Variants in NUS1 observed in about 807,000 individuals in gnomAD.
NUS1 encodes dehydrodolichyl diphosphate synthase complex subunit NUS1.
For missense variants in NUS1, 292 were observed against 382.9 expected, an observed-to-expected ratio of 0.76 and a Z score of 1.98; for synonymous variants, 135 against 155.2, an observed-to-expected ratio of 0.87 and a Z score of 0.97.
chr6:117,706,590 C>A (rs1415547256), intron 4 of NUS1, among the ~76,000 whole-genome samples: 4 of 152,150 alleles, frequency 2.6e-5, no homozygotes, highest in Non-Finnish European at 5.9e-5. Flanking sequence ...GCTGAACAAT[C>A]TTAGTAGAAT....
intron 1 of NUS1, among the ~76,000 whole-genome samples, chr6:117,677,421 A>G (rs997781857): frequency 6.6e-6 from 1 of 152,224 alleles, no homozygotes; most frequent in Non-Finnish European, 1.5e-5. Flanking sequence ...TTGATTTTCA[A>G]TCAGATCTTG....
chr6:117,687,741 A>G (rs962802773), intron 1 of NUS1, among the ~76,000 whole-genome samples: 2 of 152,252 alleles, frequency 1.3e-5, no homozygotes, highest in African/African-American at 4.8e-5. Flanking sequence ...TTCAACAAGC[A>G]TGGAAGCATA....
At chr6:117,685,339 G>T (rs549328619) in intron 1 of NUS1, among the ~76,000 whole-genome samples, 1 of 151,400 alleles carries the variant, frequency 6.6e-6, no homozygotes, top group East Asian at 1.9e-4. Flanking sequence ...ATTTTCTCGT[G>T]TGTGTTTTGT....
intron 1 of NUS1, among the ~76,000 whole-genome samples, chr6:117,687,015 G>A (rs892325511): frequency 2.0e-5 from 3 of 151,810 alleles, no homozygotes. Flanking sequence ...TGCCCATAGT[G>A]TCTTATCTAC....
Position 117,698,024 on chromosome 6 carries a change from C to T in NUS1, c.691+3844C>T, listed in dbSNP as rs147955774. On this transcript the variant is annotated intron_variant, in intron 3 of 4. Coordinates refer to ENST00000368494, the MANE Select transcript of NUS1 (RefSeq NM_138459.5). ...AGGAATTTTGGAAACTATACAAACACCTGGAAACTAATCAGTATGCTCCTG... is the reference window on the plus strand; with the variant it reads ...AGGAATTTTGGAAACTATACAAACATCTGGAAACTAATCAGTATGCTCCTG... Among the ~76,000 whole-genome samples the T allele has an allele frequency of 5.8e-3, 881 of 151,924 alleles. 12 individuals carry two copies. The highest frequency in any genetic ancestry group is 0.02 in the African/African-American group (845 of 41,480).
intron 1 of NUS1, among the ~76,000 whole-genome samples, chr6:117,691,500 T>C (rs1212411560): frequency 2.0e-5 from 3 of 150,236 alleles, no homozygotes; most frequent in Non-Finnish European, 3.0e-5. Flanking sequence ...GTTACACATA[T>C]ACTTCTGGCT....
At chr6:117,678,841 C>G (rs925371560) in intron 1 of NUS1, among the ~76,000 whole-genome samples, 1 of 151,958 alleles carries the variant, frequency 6.6e-6, no homozygotes, top group Non-Finnish European at 1.5e-5. Context: ...GCCACCCCGC[C>G]CTGCTAATTT....
chr6:117,696,003 T>A (rs12202619), intron 3 of NUS1, among the ~76,000 whole-genome samples: 1 of 151,824 alleles, frequency 6.6e-6, no homozygotes, highest in Non-Finnish European at 1.5e-5. Flanking sequence ...GTATGACTGT[T>A]TGTGTACAAG....
chr6:117,681,743 CT>C (rs754393206), intron 1 of NUS1, among the ~76,000 whole-genome samples: 1 of 152,176 alleles, frequency 6.6e-6, no homozygotes, highest in Non-Finnish European at 1.5e-5. Context: ...GTGTAGTTGA[CT>C]TTTTGTACAG....
chr6:117,709,832 G>A lies in NUS1; in HGVS notation c.*2817G>A, dbSNP rs1202198444. On this transcript the variant is annotated 3_prime_UTR_variant, in exon 5 of 5. Coordinates refer to ENST00000368494, the MANE Select transcript of NUS1 (RefSeq NM_138459.5). Reference sequence around the variant, plus strand: ...CTCTTTTCATTGACTATAGTATTATGTGAATGCTACATTTGTTCTGAACAC... The same window carrying A: ...CTCTTTTCATTGACTATAGTATTATATGAATGCTACATTTGTTCTGAACAC... The A allele has an allele frequency of 6.6e-6, 1 of 152,632 alleles. No individual in the cohort carries two copies. The highest frequency in any genetic ancestry group is 1.5e-5 in the Non-Finnish European group (1 of 67,976). The allele number at this position is 152,632 out of a possible 1,614,324, so 9.5% of individuals were successfully genotyped here.
chr6:117,676,136 G>T, intron 1 of NUS1, 51 bp downstream of exon 1: 5 of 1,548,998 alleles, frequency 3.2e-6, no homozygotes, highest in African/African-American at 1.4e-5. Context: ...TGGACCGCTA[G>T]ACCGCTGGTC....
At chr6:117,687,292 C>T (rs944370256) in intron 1 of NUS1, among the ~76,000 whole-genome samples, 4 of 152,102 alleles carry the variant, frequency 2.6e-5, no homozygotes, top group African/African-American at 9.7e-5. Context: ...TGTTAAGCAG[C>T]ACTTTGTACA....
At chr6:117,687,382 A>C (rs939108943) in intron 1 of NUS1, among the ~76,000 whole-genome samples, 8 of 152,252 alleles carry the variant, frequency 5.3e-5, no homozygotes, top group African/African-American at 1.9e-4. Context: ...ACACATTCAC[A>C]AATAAGACTA....
intron 1 of NUS1, among the ~76,000 whole-genome samples, chr6:117,676,493 G>T (rs974034860): frequency 6.6e-6 from 1 of 152,152 alleles, no homozygotes; most frequent in South Asian, 2.1e-4. Context: ...CAGGAGAATC[G>T]CTGGAACCCG....
chr6:117,707,052 G>A lies in NUS1; in HGVS notation c.*37G>A. On this transcript the variant is annotated 3_prime_UTR_variant, in exon 5 of 5. Coordinates refer to ENST00000368494, the MANE Select transcript of NUS1 (RefSeq NM_138459.5). ...TGCATAATTTGATTTGAGGCTTGTG[G>A]AGGAAAGGAACCAAGTGACTCTGAT... 6.3e-7 allele frequency: 1 copy of A among 1,575,564 alleles called. No homozygotes were observed. The highest frequency in any genetic ancestry group is 8.7e-7 in the Non-Finnish European group (1 of 1,146,196).
intron 3 of NUS1, among the ~76,000 whole-genome samples, chr6:117,694,393 G>A (rs1300241969): frequency 6.6e-6 from 1 of 151,996 alleles, no homozygotes; most frequent in African/African-American, 2.4e-5. Context: ...CCACTCACTC[G>A]CATGAGGATT....
At chr6:117,695,480 T>TGAGAC (rs1330231157) in intron 3 of NUS1, among the ~76,000 whole-genome samples, 1 of 152,146 alleles carries the variant, frequency 6.6e-6, no homozygotes, top group Non-Finnish European at 1.5e-5. Context: ...CTGCACCCTA[T>TGAGAC]GAGACCCTAA....
chr6:117,679,270 C>G (rs1186216722), intron 1 of NUS1, among the ~76,000 whole-genome samples: 5 of 152,134 alleles, frequency 3.3e-5, no homozygotes, highest in Non-Finnish European at 4.4e-5. Context: ...CTGAGCTGGA[C>G]CTAGTCAAAA....
intron 1 of NUS1, among the ~76,000 whole-genome samples, chr6:117,687,966 A>G (rs1216924357): frequency 3.3e-5 from 5 of 152,276 alleles, no homozygotes; most frequent in East Asian, 3.9e-4. Flanking sequence ...TGTAATCCCA[A>G]TACTTTTTGA....
Sources: allele counts gnomAD v4.1 joint callset (sites outside exome capture counted in the v4.1 genomes callset), GRCh38; gene constraint gnomAD v4.1.1; transcripts MANE v1.5; gene names NCBI Gene and HGNC (gene_info 2026-07-23, HGNC 2026-07-21).